CEP112: variants seen among roughly 807,000 people sequenced by gnomAD.
CEP112 encodes centrosomal protein of 112 kDa.
A neutral mutation model predicts 153.0 loss-of-function variants in CEP112; 127 were observed. The observed-to-expected ratio is 0.83, with a 90% confidence interval of 0.72 to 0.96. The LOEUF is 0.96. Ranked by LOEUF, CEP112 falls within the 40% of genes least tolerant of loss-of-function variation. CEP112 has a pLI of 0.00. For missense variants in CEP112, 1,089 were observed against 1,101.2 expected, an observed-to-expected ratio of 0.99 and a Z score of 0.16; for synonymous variants, 358 against 374.4, an observed-to-expected ratio of 0.96 and a Z score of 0.51.
intron 21 of CEP112, among the ~76,000 whole-genome samples, chr17:65,768,516 C>G (rs748170673): frequency 5.3e-5 from 8 of 152,104 alleles, no homozygotes; most frequent in South Asian, 2.1e-4. Context: ...CATAGGAAAA[C>G]TATAGGCCAA....
At chr17:65,880,766 C>T (rs1227656438) in intron 20 of CEP112, among the ~76,000 whole-genome samples, 1 of 152,130 alleles carries the variant, frequency 6.6e-6, no homozygotes, top group Non-Finnish European at 1.5e-5. Context: ...ACACATGTGG[C>T]CAGTGCTCAA....
intron 4 of CEP112, among the ~76,000 whole-genome samples, chr17:66,143,813 G>A (rs1378522589): frequency 6.6e-6 from 1 of 152,148 alleles, no homozygotes; most frequent in African/African-American, 2.4e-5. Flanking sequence ...AGAGCAAACA[G>A]CCATGAAGAA....
chr17:66,189,853 A>G (rs2073095805), intron 1 of CEP112, among the ~76,000 whole-genome samples: 1 of 151,880 alleles, frequency 6.6e-6, no homozygotes, highest in African/African-American at 2.4e-5. Context: ...CAACATAGTG[A>G]GACCCTGTCT....
chr17:65,638,296 A>C (rs1022629083), intron 25 of CEP112, among the ~76,000 whole-genome samples: 5 of 152,248 alleles, frequency 3.3e-5, no homozygotes, highest in African/African-American at 1.2e-4. Flanking sequence ...AAAGCACCTT[A>C]CACAACCCAA....
At chr17:65,819,175 G>A (rs999077226) in intron 21 of CEP112, among the ~76,000 whole-genome samples, 15 of 151,878 alleles carry the variant, frequency 9.9e-5, no homozygotes, top group African/African-American at 3.6e-4. Context: ...TCCTTCAGCA[G>A]AATTTATCCA....
At chr17:65,711,939 G>A (rs533857017) in intron 23 of CEP112, among the ~76,000 whole-genome samples, 10 of 152,336 alleles carry the variant, frequency 6.6e-5, no homozygotes, top group African/African-American at 1.9e-4. Context: ...CTCACTGCAT[G>A]CATTTTGGCA....
intron 21 of CEP112, among the ~76,000 whole-genome samples, chr17:65,793,056 C>T (rs1426486883): frequency 2.0e-5 from 3 of 150,792 alleles, no homozygotes; most frequent in East Asian, 3.9e-4. Flanking sequence ...TGGTGGGGGG[C>T]GAGGGAGGGG....
At chr17:65,846,003 C>T (rs914909402) in intron 21 of CEP112, among the ~76,000 whole-genome samples, 13 of 152,190 alleles carry the variant, frequency 8.5e-5, no homozygotes, top group African/African-American at 2.7e-4. Context: ...ACTGAAACAA[C>T]ACAGACCCAT....
intron 21 of CEP112, among the ~76,000 whole-genome samples, chr17:65,806,796 A>G (rs1196632823): frequency 6.6e-6 from 1 of 152,200 alleles, no homozygotes; most frequent in Non-Finnish European, 1.5e-5. Flanking sequence ...CAAAACTGTG[A>G]GTCAATTAAA....
At chr17:65,841,142 T>C (rs537034789) in intron 21 of CEP112, among the ~76,000 whole-genome samples, 2 of 152,042 alleles carry the variant, frequency 1.3e-5, no homozygotes, top group African/African-American at 4.8e-5. Context: ...GCAATTCCAC[T>C]GCTGAATATA....
intron 17 of CEP112, among the ~76,000 whole-genome samples, chr17:66,003,462 C>T (rs1447619449): frequency 6.6e-6 from 1 of 152,174 alleles, no homozygotes; most frequent in Non-Finnish European, 1.5e-5. Context: ...TTATGGTCAA[C>T]AAGTTAATAC....
intron 21 of CEP112, among the ~76,000 whole-genome samples, chr17:65,838,243 C>T (rs2146195804): frequency 6.6e-6 from 1 of 152,172 alleles, no homozygotes; most frequent in East Asian, 1.9e-4. Flanking sequence ...CCAGTATAGA[C>T]TACATATTAG....
intron 4 of CEP112, among the ~76,000 whole-genome samples, chr17:66,161,437 G>A (rs2071700478): frequency 6.6e-6 from 1 of 152,068 alleles, no homozygotes; most frequent in South Asian, 2.1e-4. Context: ...CAACCCAAAT[G>A]CCCATCAATA....
chr17:65,643,070 TGGA>T (rs2045231720), intron 24 of CEP112, among the ~76,000 whole-genome samples: 1 of 152,104 alleles, frequency 6.6e-6, no homozygotes, highest in Non-Finnish European at 1.5e-5. Context: ...CTGGCCATTC[TGGA>T]GTGTGTCCTT....
intron 20 of CEP112, among the ~76,000 whole-genome samples, chr17:65,876,178 C>T (rs1422779198): frequency 6.6e-6 from 1 of 152,170 alleles, no homozygotes; most frequent in African/African-American, 2.4e-5. Context: ...GGACAAGATC[C>T]ACTGTTCAAC....
chr17:65,752,156 CTTTG>C (rs2051917465), intron 21 of CEP112, among the ~76,000 whole-genome samples: 2 of 151,764 alleles, frequency 1.3e-5, no homozygotes, highest in African/African-American at 2.4e-5. Context: ...TCTGAGTTCC[CTTTG>C]TTTATTTACT....
chr17:66,017,169 T>C (rs2064808960), intron 16 of CEP112, among the ~76,000 whole-genome samples: 1 of 152,244 alleles, frequency 6.6e-6, no homozygotes, highest in Non-Finnish European at 1.5e-5. Flanking sequence ...CCTTAGTCTG[T>C]CTACCTTTTC....
intron 19 of CEP112, among the ~76,000 whole-genome samples, chr17:65,909,207 G>A (rs1051922580): frequency 2.0e-5 from 3 of 152,188 alleles, no homozygotes; most frequent in African/African-American, 4.8e-5. Context: ...AAGGGGAAAT[G>A]ATGGTATAAA....
At chr17:66,046,187 C>T (rs570112874) in intron 12 of CEP112, among the ~76,000 whole-genome samples, 7 of 152,126 alleles carry the variant, frequency 4.6e-5, no homozygotes, top group South Asian at 4.2e-4. Context: ...GGACTACAAG[C>T]GCATGCTGCC....
Sources: gnomAD v4.1 joint callset for allele counts (sites outside exome capture counted in the v4.1 genomes callset) on GRCh38, gnomAD v4.1.1 for gene constraint, MANE v1.5 for transcripts, NCBI Gene and HGNC (gene_info 2026-07-23, HGNC 2026-07-21) for gene names.